The following NUP93 variants were observed in gnomAD, a reference collection of about 807,000 sequenced individuals.
NUP93 encodes the protein nucleoporin 93.
Under a neutral mutation model 107.8 loss-of-function variants are expected in NUP93, and 55 were observed. That is an observed-to-expected ratio of 0.51 (90% CI 0.41 to 0.64). The LOEUF (loss-of-function observed/expected upper bound fraction) is 0.64, where lower values mean the gene tolerates loss of function less well. NUP93 is among the 30% of genes least tolerant of loss of function. The pLI is 0.00. For missense variants in NUP93, 937 were observed against 1,044.7 expected (o/e 0.90, Z 1.42); for synonymous variants, 390 against 397.5 (o/e 0.98, Z 0.22).
intron 16 of NUP93, among the ~76,000 whole-genome samples, chr16:56,836,311 C>T (rs1284763952): frequency 6.6e-6 from 1 of 152,116 alleles, no homozygotes; most frequent in East Asian, 1.9e-4. Context: ...TTCACTGACT[C>T]TCTGGGTCAT....
At chr16:56,799,071 T>A (rs753221304) in intron 4 of NUP93, among the ~76,000 whole-genome samples, 5 of 152,088 alleles carry the variant, frequency 3.3e-5, no homozygotes, top group Admixed American at 6.6e-5. Context: ...GACTGGACAA[T>A]TAACTATTAA....
intron 5 of NUP93, among the ~76,000 whole-genome samples, chr16:56,808,176 TA>T (rs1217822843): frequency 1.6e-5 from 2 of 128,334 alleles, no homozygotes; most frequent in African/African-American, 5.9e-5. Context: ...TATAACTATA[TA>T]AAATATATAG....
chr16:56,753,105 G>A (rs1961954024), intron 2 of NUP93, among the ~76,000 whole-genome samples: 1 of 152,148 alleles, frequency 6.6e-6, no homozygotes, highest in Non-Finnish European at 1.5e-5. Flanking sequence ...ATCGCCTTTG[G>A]AGAATACTAG....
chr16:56,797,684 A>G (rs1332852093), intron 3 of NUP93, among the ~76,000 whole-genome samples: 4 of 152,240 alleles, frequency 2.6e-5, no homozygotes, highest in African/African-American at 9.6e-5. Flanking sequence ...AGCTACATGT[A>G]TTGAGCCTTG....
rs1009487999 is a variant in NUP93 at position 56,846,620 on chromosome 16, G to C, written c.*2011G>C. ...AGCTACTCGGGAGGCTGAGGCAGGA[G>C]AATCACTTGAACCCAAGAGGCGGAG... On this transcript the variant is annotated 3_prime_UTR_variant, in exon 22 of 22. Transcript: ENST00000308159. The C allele has an allele frequency of 2.6e-5, 4 of 152,118 alleles. No individual in the cohort carries two copies. The highest frequency in any genetic ancestry group is 2.6e-4 in the Admixed American group (4 of 15,274). 9.4% of individuals were successfully genotyped at this position (152,118 alleles called of 1,614,324 possible). A position where few individuals can be genotyped will look rare whatever the true frequency, so the allele number is the denominator to read the frequency against.
At chr16:56,764,150 T>G (rs1284664637) in intron 3 of NUP93, among the ~76,000 whole-genome samples, 12 of 152,218 alleles carry the variant, frequency 7.9e-5, no homozygotes, top group African/African-American at 2.9e-4. Context: ...ACTTTTAGTT[T>G]GTCTTTTAAA....
chr16:56,850,013 C>T lies in NUP93; in HGVS notation c.*5404C>T, dbSNP rs1366204313. 15 of 152,230 alleles carry T rather than the reference C, an allele frequency of 9.9e-5. No homozygotes were observed. Among genetic ancestry groups the T allele is most frequent in the African/African-American group, 3.1e-4 (13 of 41,450 alleles). 9.4% of individuals were successfully genotyped at this position (152,230 alleles called of 1,614,324 possible). A position where few individuals can be genotyped will look rare whatever the true frequency, so the allele number is the denominator to read the frequency against. On this transcript the variant is annotated 3_prime_UTR_variant, in exon 22 of 22. Coordinates refer to ENST00000308159, the MANE Select transcript of NUP93 (RefSeq NM_014669.5). Reference sequence around the variant, plus strand: ...AGAAAGAAAGGAAAGAGCCAAAGTACAGCCTTTTCTCACTTGATCAGTAAC... The same window carrying T: ...AGAAAGAAAGGAAAGAGCCAAAGTATAGCCTTTTCTCACTTGATCAGTAAC...
rs1321604156 is a variant in NUP93 at position 56,841,745 on chromosome 16, A to G, written c.2261A>G (p.Asn754Ser). Residue 754 changes from asparagine to serine, a missense_variant, in exon 21 of 22, where the codon AAC becomes AGC. Transcript: ENST00000308159. Reference protein sequence around the residue: ...NLSEVLLATMNILFTQFKRLK... With the variant: ...NLSEVLLATMSILFTQFKRLK... ...TCAGAAGTGCTTCTTGCCACCATGAACATCTTGTTCACACAGTTTAAGAGG... is the reference window on the plus strand; with the variant it reads ...TCAGAAGTGCTTCTTGCCACCATGAGCATCTTGTTCACACAGTTTAAGAGG... The G allele has an allele frequency of 6.2e-7, 1 of 1,614,170 alleles. No individual in the cohort carries two copies. Among genetic ancestry groups the G allele is most frequent in the African/African-American group, 1.3e-5 (1 of 75,062 alleles).
chr16:56,760,479 C>A (rs1174083063), intron 3 of NUP93, among the ~76,000 whole-genome samples: 3 of 152,178 alleles, frequency 2.0e-5, no homozygotes, highest in Non-Finnish European at 4.4e-5. Context: ...CCAGCATCTG[C>A]TTCTGGGGAG....
intron 5 of NUP93, among the ~76,000 whole-genome samples, chr16:56,813,455 A>T (rs1383590311): frequency 6.6e-6 from 1 of 152,208 alleles, no homozygotes; most frequent in African/African-American, 2.4e-5. Flanking sequence ...TTCCTTGGGG[A>T]TGGACCCAGT....
At chr16:56,775,841 TTGTC>T (rs1962406595) in intron 3 of NUP93, among the ~76,000 whole-genome samples, 1 of 152,250 alleles carries the variant, frequency 6.6e-6, no homozygotes, top group African/African-American at 2.4e-5. Context: ...CTTGCCATGG[TTGTC>T]TATCCTGACC....
chr16:56,830,015 G>A (rs1963747237), intron 9 of NUP93, among the ~76,000 whole-genome samples: 1 of 152,196 alleles, frequency 6.6e-6, no homozygotes, highest in African/African-American at 2.4e-5. Flanking sequence ...CAGAGAGTGG[G>A]AACGGAGCTG....
intron 7 of NUP93, among the ~76,000 whole-genome samples, chr16:56,822,564 C>CTTTTTT (rs56395453): frequency 4.7e-5 from 6 of 126,946 alleles, no homozygotes; most frequent in Non-Finnish European, 6.3e-5. Context: ...CTTTTCTTTT[C>CTTTTTT]TTTTTTTTTT....
rs548933877 is a variant in NUP93, at chr16:56,801,861, C to G, written c.360+3323C>G. 1.4e-3 allele frequency among the ~76,000 whole-genome samples: 214 copies of G among 152,250 alleles called. 1 individual carries two copies. Among genetic ancestry groups the G allele is most frequent in the Middle Eastern group, 3.4e-3 (1 of 294 alleles). On this transcript the variant is annotated intron_variant, in intron 4 of 21. Coordinates refer to ENST00000308159, the MANE Select transcript of NUP93 (RefSeq NM_014669.5). ...TAAGCAGGAGTTCTTGGCACACAGGCAGGCAGCCCAATTAACAGGGAATGG... is the reference window on the plus strand; with the variant it reads ...TAAGCAGGAGTTCTTGGCACACAGGGAGGCAGCCCAATTAACAGGGAATGG...
At chr16:56,801,790 A>G (rs758269004) in intron 4 of NUP93, among the ~76,000 whole-genome samples, 5 of 152,176 alleles carry the variant, frequency 3.3e-5, no homozygotes, top group Non-Finnish European at 7.3e-5. Context: ...ATATCTGAGG[A>G]TTTGAACCCG....
At chr16:56,828,194 T>TAAAAA (rs34184189) in intron 8 of NUP93, among the ~76,000 whole-genome samples, 3 of 113,404 alleles carry the variant, frequency 2.6e-5, no homozygotes, top group Non-Finnish European at 3.5e-5. Context: ...CCCTGCCTCT[T>TAAAAA]AAAAAAAAAA....
intron 12 of NUP93, 96 bp from the exon 13 acceptor site, chr16:56,833,119 C>T (rs963847545): frequency 1.7e-5 from 18 of 1,032,658 alleles, no homozygotes; most frequent in Admixed American, 4.8e-5. Flanking sequence ...TCCAGCAAGT[C>T]CTGTGGGCTC....
intron 3 of NUP93, among the ~76,000 whole-genome samples, chr16:56,768,432 G>A (rs148258302): frequency 5.3e-3 from 800 of 152,122 alleles, no homozygotes; most frequent in Admixed American, 9.6e-3. Context: ...GCGTGGTGGC[G>A]CATGCCTGTA....
chr16:56,782,363 A>G (rs1190987384), intron 3 of NUP93: 1 of 207,960 alleles, frequency 4.8e-6, no homozygotes, highest in Non-Finnish European at 8.4e-6. Flanking sequence ...CTCATTTGAT[A>G]GAAGAAGTAC....
Sources: gnomAD v4.1 joint callset for allele counts (sites outside exome capture counted in the v4.1 genomes callset) on GRCh38, gnomAD v4.1.1 for gene constraint, MANE v1.5 for transcripts, NCBI Gene and HGNC (gene_info 2026-07-23, HGNC 2026-07-21) for gene names.